Variants in ZNF512 observed in about 807,000 individuals in gnomAD.
The protein encoded by ZNF512 is zinc finger protein 512.
In ZNF512, 25 loss-of-function variants were observed where a neutral mutation model predicts 77.5. That is an observed-to-expected ratio of 0.32 (90% confidence interval 0.23 to 0.45). The LOEUF (loss-of-function observed/expected upper bound fraction) is 0.45, where lower values mean the gene tolerates loss of function less well. Ranked by LOEUF, ZNF512 falls within the 20% of genes least tolerant of loss-of-function variation. ZNF512 has a pLI of 1.00. For synonymous variants in ZNF512, 246 were observed against 239.9 expected, an observed-to-expected ratio of 1.03 and a Z score of -0.24; for missense variants, 483 against 692.6, an observed-to-expected ratio of 0.70 and a Z score of 3.40.
intron 4 of ZNF512, 21 bp from the exon 5 acceptor site, chr2:27,599,949 C>T (rs1672040810): frequency 6.2e-7 from 1 of 1,613,884 alleles, no homozygotes. Context: ...TGCTGGGCTT[C>T]AAGTTTCTGT....
intron 2 of ZNF512, among the ~76,000 whole-genome samples, 157 bp from the exon 3 acceptor site, chr2:27,597,910 C>T (rs1014077415): frequency 1.3e-5 from 2 of 152,182 alleles, no homozygotes; most frequent in African/African-American, 4.8e-5. Context: ...GTTAGATCAA[C>T]TATTGTTATT....
rs758084107 is a variant in ZNF512, at chr2:27,621,302, C to G, written c.1545C>G (p.Pro515=). The change falls in exon 14 of 14, where the codon CCC becomes CCG. Residue 515 remains proline (P), a synonymous_variant. Transcript: ENST00000355467. ...GGCAGCAGCCTGGCATTGAGCTTCCCGAGACAGAGCTGAGTCTTAGAGTAG... is the reference window on the plus strand; with the variant it reads ...GGCAGCAGCCTGGCATTGAGCTTCCGGAGACAGAGCTGAGTCTTAGAGTAG... ...RRRQQPGIEL[P]ETELSLRVGK... The G allele has an allele frequency of 2.5e-6, 4 of 1,614,032 alleles. No homozygotes were observed. Among genetic ancestry groups the G allele is most frequent in the Non-Finnish European group, 2.5e-6 (3 of 1,180,002 alleles).
chr2:27,590,381 G>A (rs1221347629), intron 2 of ZNF512, among the ~76,000 whole-genome samples: 5 of 152,106 alleles, frequency 3.3e-5, no homozygotes, highest in Admixed American at 3.3e-4. Flanking sequence ...CCAGCCTTAT[G>A]TTTGCTGATT....
chr2:27,586,352 C>G (rs778924880), intron 2 of ZNF512, among the ~76,000 whole-genome samples: 1 of 152,118 alleles, frequency 6.6e-6, no homozygotes, highest in Non-Finnish European at 1.5e-5. Flanking sequence ...GCCTCAGCCT[C>G]CCGAGTAGCT....
chr2:27,596,704 C>T (rs1057155666), intron 2 of ZNF512, among the ~76,000 whole-genome samples: 1 of 152,194 alleles, frequency 6.6e-6, no homozygotes, highest in African/African-American at 2.4e-5. Flanking sequence ...GCTTAGCTGC[C>T]CCTCCAGAGC....
chr2:27,620,687 C>T (rs1394460361), intron 13 of ZNF512, among the ~76,000 whole-genome samples: 1 of 152,116 alleles, frequency 6.6e-6, no homozygotes. Context: ...ATGTCCCCTA[C>T]CCCTTAATTT....
At chr2:27,588,098 C>T (rs1671421037) in intron 2 of ZNF512, among the ~76,000 whole-genome samples, 1 of 152,052 alleles carries the variant, frequency 6.6e-6, no homozygotes, top group South Asian at 2.1e-4. Context: ...AAAAATCTGT[C>T]CTGAATACAA....
At position 27,590,014 on chromosome 2, in the gene ZNF512, A is replaced by G. The variant is rs1391011509; in HGVS notation, c.89+6298A>G. Among the ~76,000 whole-genome samples, 4 of 152,344 alleles carry G rather than the reference A, an allele frequency of 2.6e-5. No individual in the cohort carries two copies. The East Asian group carries it at 7.7e-4, about 29-fold the overall frequency. On this transcript the variant is annotated intron_variant, in intron 2 of 13. Transcript: ENST00000355467. ...ATGAATGCATAATGTGCACTTGAAA[A>G]GAATATATATCCTGCAGTTGTTAGA...
chr2:27,603,462 C>T (rs549936369), intron 9 of ZNF512, among the ~76,000 whole-genome samples, 155 bp downstream of exon 9: 8 of 152,054 alleles, frequency 5.3e-5, no homozygotes, highest in East Asian at 1.9e-4. Context: ...GTTCTTTGTC[C>T]TTATTTCTGC....
intron 2 of ZNF512, among the ~76,000 whole-genome samples, chr2:27,586,594 A>G (rs1272692375): frequency 6.6e-6 from 1 of 152,202 alleles, no homozygotes; most frequent in Non-Finnish European, 1.5e-5. Flanking sequence ...CCAGTCCATT[A>G]ATTTTTAAAA....
chr2:27,621,660 G>A lies in ZNF512; in HGVS notation c.*199G>A, dbSNP rs1673128340. ...CCCTCCCCTTTTAGTAGGTTTTCCTGCTATTCCTCGTCAAGTCCTCTTGTT... is the reference window on the plus strand; with the variant it reads ...CCCTCCCCTTTTAGTAGGTTTTCCTACTATTCCTCGTCAAGTCCTCTTGTT... On this transcript the variant is annotated 3_prime_UTR_variant, in exon 14 of 14. Transcript: ENST00000355467. The A allele has an allele frequency of 8.8e-6, 5 of 566,792 alleles. No individual in the cohort carries two copies. Among genetic ancestry groups the A allele is most frequent in the African/African-American group, 1.9e-5 (1 of 53,376 alleles). 35.1% of individuals were successfully genotyped at this position (566,792 alleles called of 1,614,324 possible).
rs200917761 is a variant in ZNF512, at chr2:27,615,200, C to T, written c.1164C>T (p.Phe388=). The change falls in exon 11 of 14, where the codon TTC becomes TTT. Residue 388 remains phenylalanine (F), a synonymous_variant. Coordinates refer to ENST00000355467, the MANE Select transcript of ZNF512 (RefSeq NM_032434.4). ...ATACTCGTCCAGGGCTCCCTACCTT[C>T]AGCCAGGAAGTACTACATAAATGGA... The part of the protein sequence containing the change: ...LKYTRPGLPT[F]SQEVLHKWKT... 2.1e-5 allele frequency: 33 copies of T among 1,606,804 alleles called. No individual in the cohort carries two copies. Among genetic ancestry groups the T allele is most frequent in the Non-Finnish European group, 2.6e-5 (31 of 1,176,212 alleles).
At chr2:27,592,468 A>T (rs1671632280) in intron 2 of ZNF512, among the ~76,000 whole-genome samples, 1 of 151,426 alleles carries the variant, frequency 6.6e-6, no homozygotes, top group Admixed American at 6.6e-5. Flanking sequence ...GGCACCCGCT[A>T]CCACACCCAG....
intron 9 of ZNF512, among the ~76,000 whole-genome samples, chr2:27,604,848 G>A (rs928960808): frequency 3.3e-5 from 5 of 152,112 alleles, no homozygotes; most frequent in South Asian, 2.1e-4. Context: ...CCTTTAGTCA[G>A]CCTTTTCCTC....
intron 13 of ZNF512, among the ~76,000 whole-genome samples, chr2:27,617,968 A>G (rs1343613074): frequency 9.6e-5 from 9 of 93,286 alleles, no homozygotes; most frequent in Non-Finnish European, 2.1e-4. Context: ...TTTTTTTTTT[A>G]GACGGAGTCT....
intron 3 of ZNF512, 151 bp downstream of exon 3, chr2:27,598,405 G>T (rs866093288): frequency 1.5e-6 from 1 of 678,482 alleles, no homozygotes; most frequent in Admixed American, 2.8e-5. Context: ...CGAGGCGGGC[G>T]GATCACAAGG....
intron 10 of ZNF512, among the ~76,000 whole-genome samples, chr2:27,614,664 C>G (rs1474168078): frequency 7.3e-6 from 1 of 136,546 alleles, no homozygotes; most frequent in Non-Finnish European, 1.5e-5. Flanking sequence ...GGCGACAGAG[C>G]AAGACTCCAT....
chr2:27,603,838 T>A (rs1277627627), intron 9 of ZNF512, among the ~76,000 whole-genome samples: 4 of 151,878 alleles, frequency 2.6e-5, no homozygotes, highest in African/African-American at 9.7e-5. Flanking sequence ...CCTCAAGTGA[T>A]CCTCTTACCT....
At chr2:27,587,334 T>C (rs1184882900) in intron 2 of ZNF512, among the ~76,000 whole-genome samples, 1 of 150,002 alleles carries the variant, frequency 6.7e-6, no homozygotes, top group African/African-American at 2.5e-5. Context: ...TGGAGTGCAG[T>C]GGCCTGATCC....
Sources: allele counts gnomAD v4.1 joint callset (sites outside exome capture counted in the v4.1 genomes callset), GRCh38; gene constraint gnomAD v4.1.1; transcripts MANE v1.5; gene names NCBI Gene and HGNC (gene_info 2026-07-23, HGNC 2026-07-21).